PLCXD3: variants seen among roughly 807,000 people sequenced by gnomAD.
PLCXD3 encodes phosphatidylinositol specific phospholipase C X domain containing 3.
In PLCXD3, 19 loss-of-function variants were observed where a neutral mutation model predicts 25.5. That is an observed-to-expected ratio of 0.75 (90% confidence interval 0.52 to 1.09). The LOEUF (loss-of-function observed/expected upper bound fraction) is 1.09, where lower values mean the gene tolerates loss of function less well. PLCXD3 is among the 50% of genes least tolerant of loss of function. The pLI, the probability that PLCXD3 is intolerant of heterozygous loss-of-function variation, is 0.00. For synonymous variants in PLCXD3, 174 were observed against 137.6 expected, an observed-to-expected ratio of 1.26 and a Z score of -1.85; for missense variants, 411 against 388.1, an observed-to-expected ratio of 1.06 and a Z score of -0.50.
At chr5:41,420,319 C>CT (rs1300649662) in intron 1 of PLCXD3, among the ~76,000 whole-genome samples, 1 of 152,166 alleles carries the variant, frequency 6.6e-6, no homozygotes, top group African/African-American at 2.4e-5. Flanking sequence ...GCTCGTTTAA[C>CT]TTTTCCTCAG....
At chr5:41,380,016 T>G (rs987267286) in intron 2 of PLCXD3, among the ~76,000 whole-genome samples, 1 of 152,082 alleles carries the variant, frequency 6.6e-6, no homozygotes, top group Admixed American at 6.6e-5. Flanking sequence ...AAGAAAGTTA[T>G]GATTTTATGT....
intron 2 of PLCXD3, among the ~76,000 whole-genome samples, chr5:41,332,295 A>C (rs1743840239): frequency 6.6e-6 from 1 of 152,208 alleles, no homozygotes; most frequent in Admixed American, 6.5e-5. Flanking sequence ...ACATGAACAG[A>C]TACTTCTCAA....
intron 1 of PLCXD3, among the ~76,000 whole-genome samples, chr5:41,440,765 G>A (rs778929680): frequency 2.6e-5 from 4 of 152,002 alleles, no homozygotes; most frequent in Non-Finnish European, 2.9e-5. Context: ...CACGATAACC[G>A]TGTTATTTCT....
Position 41,494,589 on chromosome 5 carries a change from G to A in PLCXD3, c.103+15835C>T, listed in dbSNP as rs143942741. Among the ~76,000 whole-genome samples the A allele has an allele frequency of 1.2e-4, 18 of 152,272 alleles. No individual in the cohort carries two copies. The East Asian group carries it at 3.1e-3, about 26-fold the overall frequency. ...GAAAGCTTGAGGAGGAGCACATTTG[G>A]CAATGGATGATGATATTAATAGCAC... On this transcript the variant is annotated intron_variant, in intron 1 of 2. Transcript: ENST00000377801.
At chr5:41,358,709 TC>T (rs1440395072) in intron 2 of PLCXD3, among the ~76,000 whole-genome samples, 9 of 152,196 alleles carry the variant, frequency 5.9e-5, no homozygotes, top group Non-Finnish European at 1.2e-4. Flanking sequence ...GTCCTTTATT[TC>T]TTTCTCTTGT....
intron 2 of PLCXD3, among the ~76,000 whole-genome samples, chr5:41,327,198 G>C (rs182061882): frequency 1.3e-5 from 2 of 152,312 alleles, no homozygotes; most frequent in Admixed American, 1.3e-4. Context: ...GGGCATGAAA[G>C]AGATGATGCA....
chr5:41,425,899 A>G (rs1746944658), intron 1 of PLCXD3, among the ~76,000 whole-genome samples: 1 of 152,218 alleles, frequency 6.6e-6, no homozygotes. Flanking sequence ...AACTATGAAT[A>G]AAGCTGCTAT....
In PLCXD3 at chr5:41,469,571, T is replaced by C. The variant is rs542082131; in HGVS notation, c.103+40853A>G. On this transcript the variant is annotated intron_variant, in intron 1 of 2. Transcript: ENST00000377801. Reference sequence around the variant, plus strand: ...TGTTCAGATTTTCTATTTTTCATGATTCAGTCTTAGTAAGTTGTATTGTGT... The same window carrying C: ...TGTTCAGATTTTCTATTTTTCATGACTCAGTCTTAGTAAGTTGTATTGTGT... Among the ~76,000 whole-genome samples the C allele has an allele frequency of 5.9e-5, 9 of 152,226 alleles. No individual in the cohort carries two copies. The East Asian group carries it at 1.7e-3, about 29-fold the overall frequency.
At chr5:41,363,385 A>T (rs1297071755) in intron 2 of PLCXD3, among the ~76,000 whole-genome samples, 1 of 152,174 alleles carries the variant, frequency 6.6e-6, no homozygotes, top group Non-Finnish European at 1.5e-5. Flanking sequence ...ATATTTTTTT[A>T]AAAAGACTTT....
chr5:41,324,247 A>T (rs1580299553), intron 2 of PLCXD3, among the ~76,000 whole-genome samples: 2 of 152,200 alleles, frequency 1.3e-5, no homozygotes, highest in East Asian at 3.8e-4. Flanking sequence ...GGAAACTAAG[A>T]AGAGCTGAGT....
At chr5:41,314,848 TG>T (rs904363401) in intron 2 of PLCXD3, among the ~76,000 whole-genome samples, 9 of 152,298 alleles carry the variant, frequency 5.9e-5, no homozygotes, top group South Asian at 2.1e-4. Flanking sequence ...TGGTGTGATT[TG>T]ACTTTCACTA....
chr5:41,428,387 TG>T lies in PLCXD3; in HGVS notation c.104-45854del, dbSNP rs759891525. ...AAGTTAAAATGAGTTTTTTTGTTTT[TG>T]TTTTTGTTTTTTTTAGGGTGGGCCC... On this transcript the variant is annotated intron_variant, in intron 1 of 2. Coordinates refer to ENST00000377801, the MANE Select transcript of PLCXD3 (RefSeq NM_001005473.3). 2.8e-3 allele frequency among the ~76,000 whole-genome samples: 352 copies of T among 127,810 alleles called. 37 individuals carry two copies. The highest frequency in any genetic ancestry group is 4.7e-3 in the East Asian group (24 of 5,098). 83.8% of individuals were successfully genotyped at this position (127,810 alleles called of 152,430 possible). A position where few individuals can be genotyped will look rare whatever the true frequency, so the allele number is the denominator to read the frequency against.
rs1433452961 is a variant in PLCXD3, at chr5:41,382,226, C to G, written c.412G>C (p.Glu138Gln). ...INAFLTDHHK[E>Q]VVFLDFNHFY... Reference sequence around the variant, plus strand: ...TGGTTGAAGTCCAAGAACACTACCTCCTTATGGTGATCTGTGAGGAATGCA... The same window carrying G: ...TGGTTGAAGTCCAAGAACACTACCTGCTTATGGTGATCTGTGAGGAATGCA... Residue 138 changes from glutamate to glutamine, a missense_variant, in exon 2 of 3, where the codon GAG (glutamate) becomes CAG (glutamine). By Grantham distance (29) the Glu-to-Gln change is conservative. Transcript: ENST00000377801. 6.2e-7 allele frequency: 1 copy of G among 1,613,772 alleles called. No individual in the cohort carries two copies. Among genetic ancestry groups the G allele is most frequent in the Admixed American group, 1.7e-5 (1 of 59,964 alleles).
chr5:41,495,394 A>T (rs1748811673), intron 1 of PLCXD3, among the ~76,000 whole-genome samples: 1 of 152,246 alleles, frequency 6.6e-6, no homozygotes, highest in African/African-American at 2.4e-5. Flanking sequence ...AGAAGCCGAC[A>T]CAGTTCAGCA....
intron 2 of PLCXD3, among the ~76,000 whole-genome samples, chr5:41,341,569 A>G (rs1431953285): frequency 6.6e-6 from 1 of 152,170 alleles, no homozygotes; most frequent in Non-Finnish European, 1.5e-5. Flanking sequence ...CCTCAGCTGA[A>G]CTTTTCACTT....
chr5:41,351,694 G>GTTCTCAC (rs1481331113), intron 2 of PLCXD3, among the ~76,000 whole-genome samples: 1 of 152,034 alleles, frequency 6.6e-6, no homozygotes, highest in Non-Finnish European at 1.5e-5. Flanking sequence ...AAATGTTATG[G>GTTCTCAC]TTCTCACTGG....
chr5:41,432,080 T>G (rs1747122899), intron 1 of PLCXD3, among the ~76,000 whole-genome samples: 1 of 152,156 alleles, frequency 6.6e-6, no homozygotes, highest in Admixed American at 6.5e-5. Context: ...AGAGCCTTTT[T>G]CCAACTCTCT....
chr5:41,401,315 T>C (rs192875191), intron 1 of PLCXD3, among the ~76,000 whole-genome samples: 6 of 152,234 alleles, frequency 3.9e-5, no homozygotes, highest in Admixed American at 2.6e-4. Flanking sequence ...AAATGTTTTC[T>C]TCTGGAAGTT....
chr5:41,418,596 A>C (rs949323861), intron 1 of PLCXD3, among the ~76,000 whole-genome samples: 4 of 152,212 alleles, frequency 2.6e-5, no homozygotes, highest in African/African-American at 9.6e-5. Flanking sequence ...CAAAGTTAAA[A>C]CTGAATGGTA....
Sources: gnomAD v4.1 joint callset for allele counts (sites outside exome capture counted in the v4.1 genomes callset) on GRCh38, gnomAD v4.1.1 for gene constraint, MANE v1.5 for transcripts, NCBI Gene and HGNC (gene_info 2026-07-23, HGNC 2026-07-21) for gene names.